Variants in RELB observed in about 807,000 individuals in gnomAD.
The protein encoded by RELB is transcription factor RelB.
Under a neutral mutation model 55.4 loss-of-function variants are expected in RELB, and 14 were observed. The observed-to-expected ratio is 0.25, with a 90% CI of 0.17 to 0.40. The LOEUF (loss-of-function observed/expected upper bound fraction) is 0.40. RELB is among the 10% of genes least tolerant of loss of function. The pLI is 1.00. For missense variants in RELB, 669 were observed against 830.7 expected (o/e 0.81, Z 2.39); for synonymous variants, 409 against 371.3 (o/e 1.10, Z -1.17).
At chr19:45,012,693 C>T (rs1971376926) in intron 4 of RELB, among the ~76,000 whole-genome samples, 1 of 149,312 alleles carries the variant, frequency 6.7e-6, no homozygotes, top group Non-Finnish European at 1.5e-5. Flanking sequence ...GCTGAGATTG[C>T]ACCATTGCAT....
chr19:45,002,459 TCTC>T (rs1194155107), intron 1 of RELB, among the ~76,000 whole-genome samples: 2 of 152,160 alleles, frequency 1.3e-5, no homozygotes, highest in Non-Finnish European at 2.9e-5. Flanking sequence ...CTCAAGCAGT[TCTC>T]CTGCCTCAGC....
intron 4 of RELB, among the ~76,000 whole-genome samples, chr19:45,018,005 G>A (rs1426577667): frequency 1.3e-5 from 2 of 150,726 alleles, no homozygotes; most frequent in East Asian, 2.0e-4. Flanking sequence ...GGTGGCTCAC[G>A]CCTGTAATCC....
rs58953038 is a variant in RELB, at chr19:45,034,841, TC to T, written c.1354+314del. 5.8e-3 allele frequency among the ~76,000 whole-genome samples: 876 copies of T among 151,646 alleles called. 27 individuals are homozygous for T. The highest frequency in any genetic ancestry group is 0.048 in the East Asian group (243 of 5,112). On this transcript the variant is annotated intron_variant, in intron 11 of 11. Coordinates refer to ENST00000221452, the MANE Select transcript of RELB (RefSeq NM_006509.4). ...TTTAAAATTTGATCTATTTCTTCTT[TC>T]TTTTTTTTTTTTTTTGGAGATGGAG... is the stretch of plus-strand genomic sequence containing the variant.
intron 5 of RELB, 71 bp downstream of exon 5, chr19:45,022,281 G>A: frequency 1.4e-6 from 2 of 1,452,510 alleles, no homozygotes; most frequent in Non-Finnish European, 9.2e-7. Context: ...GGCCACCCAT[G>A]AAACTTTAGA....
At chr19:45,025,509 C>T in intron 6 of RELB, 89 bp downstream of exon 6, 1 of 1,566,386 alleles carries the variant, frequency 6.4e-7, no homozygotes, top group Non-Finnish European at 8.7e-7. Flanking sequence ...ACTCCAGGCC[C>T]CACCGTCTCC....
Position 45,012,287 on chromosome 19 carries a change from C to T in RELB, c.504+11C>T, listed in dbSNP as rs2122415505. On this transcript the variant is annotated intron_variant, in intron 4 of 11. Coordinates refer to ENST00000221452, the MANE Select transcript of RELB (RefSeq NM_006509.4). ...CTGCCCGCCATCGAGGTGGGCCCGG[C>T]GAGCGGCCCCGGGCGGGTGGGACTG... is the stretch of plus-strand genomic sequence containing the variant. 7.2e-7 allele frequency: 1 copy of T among 1,384,598 alleles called. No individual in the cohort carries two copies. Among genetic ancestry groups the T allele is most frequent in the Non-Finnish European group, 9.3e-7 (1 of 1,075,650 alleles). 85.8% of individuals were successfully genotyped at this position (1,384,598 alleles called of 1,614,324 possible).
At chr19:45,016,485 T>C (rs555942852) in intron 4 of RELB, among the ~76,000 whole-genome samples, 1 of 152,246 alleles carries the variant, frequency 6.6e-6, no homozygotes, top group East Asian at 1.9e-4. Flanking sequence ...GCAGACTTAG[T>C]GACTTATATG....
chr19:45,008,970 T>C (rs73938299), intron 2 of RELB, among the ~76,000 whole-genome samples: 9,703 of 152,114 alleles, frequency 0.064, 1,095 homozygotes, highest in African/African-American at 0.22. Context: ...CCTCCTCACT[T>C]AGGAAGCAGG....
chr19:45,028,711 G>A (rs1027446744), intron 7 of RELB, among the ~76,000 whole-genome samples, 177 bp from the exon 8 acceptor site: 3 of 152,130 alleles, frequency 2.0e-5, no homozygotes, highest in Non-Finnish European at 4.4e-5. Flanking sequence ...CCTTCTGTCC[G>A]AGTGACTTCT....
chr19:45,009,863 CCA>C (rs771231941), intron 3 of RELB, 41 bp downstream of exon 3: 8 of 1,588,384 alleles, frequency 5.0e-6, no homozygotes, highest in Non-Finnish European at 6.8e-6. Context: ...GCTGAGGGAC[CCA>C]AGTGCCTACA....
At chr19:45,011,795 T>TGAGAGAGAGAGA (rs1264803219) in intron 3 of RELB, 141 bp from the exon 4 acceptor site, 3 of 199,834 alleles carry the variant, frequency 1.5e-5, no homozygotes, top group Non-Finnish European at 1.7e-5. Context: ...TGTGTGTGTG[T>TGAGAGAGAGAGA]GTGAGAGAGA....
Position 45,023,640 on chromosome 19 carries a change from G to A in RELB, c.662+1430G>A, listed in dbSNP as rs1178127462. Among the ~76,000 whole-genome samples, 6 of 149,918 alleles carry A rather than the reference G, an allele frequency of 4.0e-5. No homozygotes were observed. The East Asian group carries it at 5.9e-4, about 15-fold the overall frequency. On this transcript the variant is annotated intron_variant, in intron 5 of 11. Transcript: ENST00000221452. ...TTTTTAGTACAGACGGGGTTTCGCC[G>A]TGTTAGCCAGGATGGTTACCATCTC...
At position 45,025,707 on chromosome 19, in the gene RELB, C is replaced by G; in HGVS notation, c.856C>G (p.Pro286Ala). 3 of 1,614,002 alleles carry G rather than the reference C, an allele frequency of 1.9e-6. No homozygotes were observed. Among genetic ancestry groups the G allele is most frequent in the Non-Finnish European group, 2.5e-6 (3 of 1,179,896 alleles). The change falls in exon 7 of 12, where the codon CCT (proline) becomes GCT (alanine). Residue 286 changes from proline to alanine, a missense_variant. Coordinates refer to ENST00000221452, the MANE Select transcript of RELB (RefSeq NM_006509.4). ...DQQGQMRRMD[P>A]VLSEPVYDKK... ...GCAGGGACAGATGCGCCGGATGGATCCTGTGCTTTCCGAGCCCGTCTATGA... is the reference window on the plus strand; with the variant it reads ...GCAGGGACAGATGCGCCGGATGGATGCTGTGCTTTCCGAGCCCGTCTATGA...
At position 45,002,446 on chromosome 19, in the gene RELB, G is replaced by A. The variant is rs760932232; in HGVS notation, c.107-503G>A. 7.2e-5 allele frequency among the ~76,000 whole-genome samples: 11 copies of A among 152,162 alleles called. No individual in the cohort carries two copies. The East Asian group carries it at 2.1e-3, about 29-fold the overall frequency. On this transcript the variant is annotated intron_variant, in intron 1 of 11. Coordinates refer to ENST00000221452, the MANE Select transcript of RELB (RefSeq NM_006509.4). Reference sequence around the variant, plus strand: ...AGGCTCACTGCAACCTCTGCCTCCCGGGCTCAAGCAGTTCTCCTGCCTCAG... The same window carrying A: ...AGGCTCACTGCAACCTCTGCCTCCCAGGCTCAAGCAGTTCTCCTGCCTCAG...
At chr19:45,020,925 A>G (rs1443471531) in intron 4 of RELB, among the ~76,000 whole-genome samples, 1 of 152,134 alleles carries the variant, frequency 6.6e-6, no homozygotes, top group Admixed American at 6.6e-5. Flanking sequence ...CTGTCATCCC[A>G]GCGCTTTAGG....
chr19:45,034,101 G>T, intron 9 of RELB, 143 bp from the exon 10 acceptor site: 1 of 516,718 alleles, frequency 1.9e-6, no homozygotes, highest in East Asian at 3.6e-5. Flanking sequence ...AGAGGTTGCA[G>T]TGAGCCAAGA....
chr19:45,033,749 G>A (rs1007055306), intron 9 of RELB, among the ~76,000 whole-genome samples: 1 of 150,598 alleles, frequency 6.6e-6, no homozygotes, highest in African/African-American at 2.4e-5. Context: ...CGCCGTGTTG[G>A]TCAGGCTGGT....
chr19:45,037,541 A>T lies in RELB; in HGVS notation c.1491A>T (p.Thr497=). The T allele has an allele frequency of 1.9e-6, 3 of 1,612,428 alleles. No individual in the cohort carries two copies. The highest frequency in any genetic ancestry group is 2.5e-6 in the Non-Finnish European group (3 of 1,179,420). The change falls in exon 12 of 12, where the codon ACA becomes ACT. Residue 497 remains threonine (T), a synonymous_variant. Coordinates refer to ENST00000221452, the MANE Select transcript of RELB (RefSeq NM_006509.4). ...TTGCCTACGACCCTACGGCCCCCAC[A>T]CTCTTCACCATGCTGGACCTGCTGC... ...DGFAYDPTAP[T]LFTMLDLLPP... is the part of the protein sequence containing the mutation.
At chr19:45,023,740 CTTTTTTTTTTTTT>C (rs1168078618) in intron 5 of RELB, among the ~76,000 whole-genome samples, 3 of 38,386 alleles carry the variant, frequency 7.8e-5, no homozygotes, top group Admixed American at 4.8e-4. Context: ...TGCCCAGCCT[CTTTTTTTTTTTTT>C]TTTTTTTTTT....
Sources: gnomAD v4.1 joint callset for allele counts (sites outside exome capture counted in the v4.1 genomes callset) on GRCh38, gnomAD v4.1.1 for gene constraint, MANE v1.5 for transcripts, NCBI Gene and HGNC (gene_info 2026-07-23, HGNC 2026-07-21) for gene names.